Variants in AUTS2 observed in about 807,000 individuals in gnomAD.
AUTS2 encodes autism susceptibility gene 2 protein.
A neutral mutation model predicts 112.4 loss-of-function variants in AUTS2; 17 were observed. That is an observed-to-expected ratio of 0.15 (90% CI 0.10 to 0.23). The LOEUF is 0.23. Among genes scored for constraint, AUTS2 ranks in the 10% least tolerant of loss-of-function variants. The pLI is 1.00. For missense variants in AUTS2, 1,510 were observed against 1,701.6 expected, an observed-to-expected ratio of 0.89 and a Z score of 1.98; for synonymous variants, 751 against 702.7, an observed-to-expected ratio of 1.07 and a Z score of -1.09.
rs896966243 is a variant in AUTS2, at chr7:70,077,670, T to C, written c.523-40462T>C. Among the ~76,000 whole-genome samples the C allele has an allele frequency of 2.0e-5, 3 of 152,208 alleles. No homozygotes were observed. The South Asian group carries it at 6.2e-4, about 31-fold the overall frequency. On this transcript the variant is annotated intron_variant, in intron 2 of 18. Transcript: ENST00000342771. ...CTGGGGATTCCTAGTAGAATGGTGA[T>C]GTAGATGGAACGGCTCTCTGCCTTT... is the stretch of plus-strand genomic sequence containing the variant.
intron 2 of AUTS2, among the ~76,000 whole-genome samples, chr7:70,008,253 T>A (rs1799636257): frequency 6.6e-6 from 1 of 152,182 alleles, no homozygotes. Context: ...TAGCCTATGT[T>A]TTCCTTTATT....
chr7:70,243,294 TAA>T lies in AUTS2; in HGVS notation c.660+108724_660+108725del, dbSNP rs1355464176. ...GTGTGTGTGTGTATGAGTATATATA[TAA>T]TATATGTATGTATACCAAACACAAA... On this transcript the variant is annotated intron_variant, in intron 4 of 18. Coordinates refer to ENST00000342771, the MANE Select transcript of AUTS2 (RefSeq NM_015570.4). Among the ~76,000 whole-genome samples, 3 of 150,176 alleles carry T rather than the reference TAA, an allele frequency of 2.0e-5. No individual in the cohort carries two copies. In the Admixed American group the frequency reaches 2.0e-4, roughly 10 times the overall value.
intron 5 of AUTS2, among the ~76,000 whole-genome samples, chr7:70,672,131 A>T (rs10257489): frequency 4.6e-5 from 7 of 152,012 alleles, no homozygotes. Flanking sequence ...TTAAAGTGCC[A>T]ATGGACAATC....
At chr7:69,807,861 C>T (rs1178164916) in intron 1 of AUTS2, among the ~76,000 whole-genome samples, 2 of 151,822 alleles carry the variant, frequency 1.3e-5, no homozygotes, top group Admixed American at 6.6e-5. Context: ...CAGACACTGT[C>T]ACTTCTGCCA....
At chr7:69,889,412 A>T (rs1794420631) in intron 1 of AUTS2, among the ~76,000 whole-genome samples, 1 of 152,214 alleles carries the variant, frequency 6.6e-6, no homozygotes, top group Non-Finnish European at 1.5e-5. Context: ...AAAATGAATA[A>T]TGGTTGTTTC....
At chr7:70,031,936 G>A (rs1800799901) in intron 2 of AUTS2, among the ~76,000 whole-genome samples, 1 of 152,054 alleles carries the variant, frequency 6.6e-6, no homozygotes, top group South Asian at 2.1e-4. Context: ...CTGAAAAGAA[G>A]AAACTGTAGA....
intron 4 of AUTS2, chr7:70,316,785 C>G (rs998184520): frequency 1.1e-4 from 16 of 152,074 alleles, no homozygotes; most frequent in African/African-American, 3.6e-4. Flanking sequence ...AAATATAGTG[C>G]AAGACCAAAA....
chr7:70,482,275 C>G (rs1797820526), intron 5 of AUTS2, among the ~76,000 whole-genome samples: 1 of 152,132 alleles, frequency 6.6e-6, no homozygotes, highest in South Asian at 2.1e-4. Context: ...TAGTCCTACT[C>G]CCCACCTCTG....
chr7:69,628,305 A>G (rs1794059586), intron 1 of AUTS2, among the ~76,000 whole-genome samples: 1 of 152,208 alleles, frequency 6.6e-6, no homozygotes, highest in East Asian at 1.9e-4. Flanking sequence ...AAATCTTTTA[A>G]ATTATATCTT....
At chr7:70,344,331 T>C (rs1307883279) in intron 4 of AUTS2, among the ~76,000 whole-genome samples, 1 of 152,164 alleles carries the variant, frequency 6.6e-6, no homozygotes, top group Admixed American at 6.5e-5. Context: ...GGGACCCTAA[T>C]TGTCCTGTCA....
At chr7:69,877,870 C>T (rs912211229) in intron 1 of AUTS2, among the ~76,000 whole-genome samples, 17 of 152,078 alleles carry the variant, frequency 1.1e-4, no homozygotes, top group Admixed American at 4.6e-4. Context: ...CCCTGAGGCA[C>T]GTAGTGAAGA....
intron 1 of AUTS2, among the ~76,000 whole-genome samples, chr7:69,677,243 C>G (rs1055206424): frequency 3.9e-5 from 6 of 152,160 alleles, no homozygotes; most frequent in African/African-American, 1.4e-4. Flanking sequence ...CTACTGGTCT[C>G]TGAGCTGCCC....
chr7:70,717,188 C>T (rs911064201), intron 6 of AUTS2, among the ~76,000 whole-genome samples: 1 of 151,662 alleles, frequency 6.6e-6, no homozygotes, highest in African/African-American at 2.4e-5. Flanking sequence ...TGCATATATA[C>T]GTGCGTGCCA....
intron 4 of AUTS2, among the ~76,000 whole-genome samples, chr7:70,384,471 C>T (rs1262427446): frequency 2.0e-5 from 3 of 152,208 alleles, no homozygotes; most frequent in Non-Finnish European, 2.9e-5. Flanking sequence ...TGACAAGCCA[C>T]TCCTTCTGCC....
chr7:70,628,724 G>T (rs1010543510), intron 5 of AUTS2, among the ~76,000 whole-genome samples: 1 of 152,138 alleles, frequency 6.6e-6, no homozygotes, highest in Admixed American at 6.5e-5. Flanking sequence ...TTAGGATGCT[G>T]TTACATTCAA....
intron 6 of AUTS2, among the ~76,000 whole-genome samples, chr7:70,735,893 A>G (rs1787753145): frequency 6.6e-6 from 1 of 152,182 alleles, no homozygotes; most frequent in African/African-American, 2.4e-5. Flanking sequence ...GAGGCTAGGT[A>G]TTGAAGTTTA....
At chr7:70,578,656 T>C (rs1285427524) in intron 5 of AUTS2, among the ~76,000 whole-genome samples, 2 of 152,230 alleles carry the variant, frequency 1.3e-5, no homozygotes, top group African/African-American at 4.8e-5. Context: ...CTTCATTATT[T>C]TTCCCAACTT....
intron 3 of AUTS2, among the ~76,000 whole-genome samples, chr7:70,123,136 A>G (rs1680896144): frequency 6.6e-6 from 1 of 151,962 alleles, no homozygotes; most frequent in African/African-American, 2.4e-5. Flanking sequence ...TTGGCCTTCC[A>G]AAGCGCTGGG....
rs191987834 is a variant in AUTS2, at chr7:69,746,052, T to A, written c.309+146090T>A. On this transcript the variant is annotated intron_variant, in intron 1 of 18. Transcript: ENST00000342771. Reference sequence around the variant, plus strand: ...CTAATTAAAAGAATTTTTTTTTTTTTAATTTAGAGACACGGTCTCCCTATG... The same window carrying A: ...CTAATTAAAAGAATTTTTTTTTTTTAAATTTAGAGACACGGTCTCCCTATG... 1.1e-3 allele frequency among the ~76,000 whole-genome samples: 169 copies of A among 152,038 alleles called. 1 individual carries two copies. The highest frequency in any genetic ancestry group is 3.5e-3 in the South Asian group (17 of 4,808).
Sources: allele counts gnomAD v4.1 joint callset (sites outside exome capture counted in the v4.1 genomes callset), GRCh38; gene constraint gnomAD v4.1.1; transcripts MANE v1.5; gene names NCBI Gene and HGNC (gene_info 2026-07-23, HGNC 2026-07-21).